FBXW7: variants seen among roughly 807,000 people sequenced by gnomAD.
FBXW7 encodes F-box/WD repeat-containing protein 7.
A neutral mutation model predicts 86.3 loss-of-function variants in FBXW7; 11 were observed. That is an observed-to-expected ratio of 0.13 (90% confidence interval 0.08 to 0.21). The LOEUF (loss-of-function observed/expected upper bound fraction) is 0.21, where lower values mean the gene tolerates loss of function less well. FBXW7 is among the 10% of genes least tolerant of loss of function. The pLI is 1.00. For synonymous variants in FBXW7, 313 were observed against 297.9 expected (o/e 1.05, Z -0.52); for missense variants, 488 against 847.4 (o/e 0.58, Z 5.27).
At chr4:152,356,240 G>GA (rs1426395629) in intron 4 of FBXW7, among the ~76,000 whole-genome samples, 1 of 151,888 alleles carries the variant, frequency 6.6e-6, no homozygotes, top group Non-Finnish European at 1.5e-5. Flanking sequence ...AGGGCATCCA[G>GA]AAAATGATAC....
chr4:152,471,503 G>C (rs1339227219), intron 2 of FBXW7, among the ~76,000 whole-genome samples: 2 of 102,652 alleles, frequency 1.9e-5, no homozygotes, highest in Admixed American at 1.2e-4. Context: ...GAGGGAAGGG[G>C]AAGGGAATGG....
At chr4:152,363,907 A>T (rs1733214429) in intron 4 of FBXW7, among the ~76,000 whole-genome samples, 1 of 152,166 alleles carries the variant, frequency 6.6e-6, no homozygotes, top group Admixed American at 6.5e-5. Flanking sequence ...ACAAAAAAAT[A>T]AAAATAGGGT....
intron 4 of FBXW7, among the ~76,000 whole-genome samples, chr4:152,401,436 C>A (rs986586846): frequency 6.6e-6 from 1 of 152,136 alleles, no homozygotes; most frequent in Non-Finnish European, 1.5e-5. Flanking sequence ...AGAAGCCAAT[C>A]TGAAAGGCTA....
intron 4 of FBXW7, among the ~76,000 whole-genome samples, chr4:152,351,217 G>A (rs1731781613): frequency 6.6e-6 from 1 of 152,024 alleles, no homozygotes; most frequent in African/African-American, 2.4e-5. Flanking sequence ...TCATAACATA[G>A]CATGATACAA....
At position 152,367,043 on chromosome 4, in the gene FBXW7, G is replaced by A. The variant is rs566078673; in HGVS notation, c.502-16919C>T. Among the ~76,000 whole-genome samples, 16 of 152,182 alleles carry A rather than the reference G, an allele frequency of 1.1e-4. No individual in the cohort carries two copies. In the South Asian group the frequency reaches 1.5e-3, roughly 14 times the overall value. ...TCACAAGGACAGAAAACCAAACACC[G>A]CATGTTCTCACTCATAGGTGGGAAT... On this transcript the variant is annotated intron_variant, in intron 4 of 13. Coordinates refer to ENST00000281708, the MANE Select transcript of FBXW7 (RefSeq NM_001349798.2).
At chr4:152,443,869 C>G (rs1741128089) in intron 2 of FBXW7, among the ~76,000 whole-genome samples, 1 of 152,046 alleles carries the variant, frequency 6.6e-6, no homozygotes, top group African/African-American at 2.4e-5. Flanking sequence ...TTTACTTTGT[C>G]CTATTTCAAA....
intron 2 of FBXW7, chr4:152,489,217 G>A (rs1271145924): frequency 6.5e-6 from 1 of 154,148 alleles, no homozygotes; most frequent in Non-Finnish European, 1.5e-5. Flanking sequence ...AGTTCACAAA[G>A]GGCCATGTTT....
chr4:152,325,510 T>A (rs1728941278), intron 12 of FBXW7: 1 of 152,332 alleles, frequency 6.6e-6, no homozygotes, highest in Admixed American at 6.6e-5. Flanking sequence ...ATCGGTTTAG[T>A]CAACTTTACT....
intron 2 of FBXW7, among the ~76,000 whole-genome samples, chr4:152,519,335 G>A (rs1330091803): frequency 6.6e-6 from 1 of 151,762 alleles, no homozygotes; most frequent in Admixed American, 6.6e-5. Context: ...AAGAAAGAAA[G>A]AATAATCAGA....
At chr4:152,439,415 T>C (rs1006722852) in intron 2 of FBXW7, among the ~76,000 whole-genome samples, 7 of 152,010 alleles carry the variant, frequency 4.6e-5, no homozygotes. Context: ...TATAATATTT[T>C]TATTAGAATG....
chr4:152,330,440 G>A (rs574824141), intron 9 of FBXW7, among the ~76,000 whole-genome samples: 126 of 151,952 alleles, frequency 8.3e-4, no homozygotes, highest in African/African-American at 2.9e-3. Context: ...AAATTCTTAG[G>A]TAGAATGTGT....
At chr4:152,336,325 C>G (rs1318286649) in intron 7 of FBXW7, among the ~76,000 whole-genome samples, 1 of 152,082 alleles carries the variant, frequency 6.6e-6, no homozygotes, top group Admixed American at 6.5e-5. Context: ...TTAGATTTTT[C>G]AAAATACTTT....
At chr4:152,439,966 C>T (rs1336575555) in intron 2 of FBXW7, among the ~76,000 whole-genome samples, 1 of 151,810 alleles carries the variant, frequency 6.6e-6, no homozygotes. Context: ...CCAATCTGCA[C>T]TAAAAGATTA....
At position 152,509,039 on chromosome 4, in the gene FBXW7, TTACTGACCAG is replaced by T. The variant is rs1747714178; in HGVS notation, c.-120+25892_-120+25901del. Among the ~76,000 whole-genome samples, 3 of 152,234 alleles carry T rather than the reference TTACTGACCAG, an allele frequency of 2.0e-5. No individual in the cohort carries two copies. The South Asian group carries it at 6.2e-4, about 32-fold the overall frequency. ...ACAAATTGTGCAATATTCCACAAAA[TTACTGACCAG>T]TACTCTTCCAAAGTATAACAGTCAC... On this transcript the variant is annotated intron_variant, in intron 2 of 13. Transcript: ENST00000281708.
At chr4:152,391,082 A>G (rs1413348573) in intron 4 of FBXW7, among the ~76,000 whole-genome samples, 2 of 152,080 alleles carry the variant, frequency 1.3e-5, no homozygotes, top group Admixed American at 1.3e-4. Context: ...AAATCAATAT[A>G]TTTTGAGAAA....
At chr4:152,334,710 C>A (rs1729899000) in intron 7 of FBXW7, among the ~76,000 whole-genome samples, 1 of 152,024 alleles carries the variant, frequency 6.6e-6, no homozygotes, top group Admixed American at 6.6e-5. Flanking sequence ...TCATCTAGTC[C>A]AGTGCATTAA....
At chr4:152,391,888 T>A (rs1047077754) in intron 4 of FBXW7, among the ~76,000 whole-genome samples, 1 of 152,284 alleles carries the variant, frequency 6.6e-6, no homozygotes, top group African/African-American at 2.4e-5. Context: ...GAATGTTACA[T>A]CCTAACTTAG....
In FBXW7 at chr4:152,473,793, A is replaced by AT. The variant is rs563413520; in HGVS notation, c.-120+61147dup. ...TCAGATACTTATCTTTCTAAATGGC[A>AT]TATTTTCACCAAGAATAACTTGAGA... On this transcript the variant is annotated intron_variant, in intron 2 of 13. Coordinates refer to ENST00000281708, the MANE Select transcript of FBXW7 (RefSeq NM_001349798.2). Among the ~76,000 whole-genome samples, 3 of 152,318 alleles carry AT rather than the reference A, an allele frequency of 2.0e-5. No homozygotes were observed. The South Asian group carries it at 6.2e-4, about 32-fold the overall frequency.
intron 2 of FBXW7, among the ~76,000 whole-genome samples, chr4:152,421,247 G>A (rs1172168327): frequency 1.3e-5 from 2 of 152,156 alleles, no homozygotes; most frequent in Non-Finnish European, 1.5e-5. Flanking sequence ...TAGAATTGAA[G>A]TAAGTTCGGG....
Sources: allele counts gnomAD v4.1 joint callset (sites outside exome capture counted in the v4.1 genomes callset), GRCh38; gene constraint gnomAD v4.1.1; transcripts MANE v1.5; gene names NCBI Gene and HGNC (gene_info 2026-07-23, HGNC 2026-07-21).